Variants in GATAD2A observed in about 807,000 individuals in gnomAD.
GATAD2A encodes the protein GATA zinc finger domain containing 2A.
Under a neutral mutation model 68.5 loss-of-function variants are expected in GATAD2A, and 12 were observed. The observed-to-expected ratio is 0.18, with a 90% CI of 0.11 to 0.28. GATAD2A has a LOEUF of 0.28. Among genes scored for constraint, GATAD2A ranks in the 10% least tolerant of loss-of-function variants. The pLI is 1.00. For missense variants in GATAD2A, 755 were observed against 868.5 expected (o/e 0.87, Z 1.64); for synonymous variants, 410 against 375.3 (o/e 1.09, Z -1.07).
intron 1 of GATAD2A, among the ~76,000 whole-genome samples, chr19:19,462,480 G>T (rs1477255158): frequency 2.6e-5 from 4 of 152,266 alleles, no homozygotes; most frequent in Non-Finnish European, 5.9e-5. Context: ...CCTGCCTCTG[G>T]GAGGCACAGG....
At chr19:19,418,391 A>C (rs1469443291) in intron 1 of GATAD2A, among the ~76,000 whole-genome samples, 1 of 152,226 alleles carries the variant, frequency 6.6e-6, no homozygotes, top group Middle Eastern at 3.2e-3. Flanking sequence ...AGAATGAAAT[A>C]TCCAAGGGAC....
chr19:19,492,539 C>T (rs1274741862), intron 3 of GATAD2A, 42 bp from the exon 4 acceptor site: 3 of 1,612,480 alleles, frequency 1.9e-6, no homozygotes, highest in Non-Finnish European at 2.5e-6. Flanking sequence ...TGCTCCTCAC[C>T]AAGGACGCTC....
chr19:19,468,287 T>G (rs1048424815), intron 2 of GATAD2A, among the ~76,000 whole-genome samples: 7 of 152,250 alleles, frequency 4.6e-5, no homozygotes, highest in Admixed American at 1.3e-4. Flanking sequence ...CTGTTCATTT[T>G]AGAGTGGTAG....
chr19:19,415,510 C>T (rs1167930643), intron 1 of GATAD2A, among the ~76,000 whole-genome samples: 1 of 150,946 alleles, frequency 6.6e-6, no homozygotes, highest in Non-Finnish European at 1.5e-5. Flanking sequence ...AATGCAGTGG[C>T]ACAATCTTGG....
chr19:19,413,001 G>A (rs2051148128), intron 1 of GATAD2A, among the ~76,000 whole-genome samples: 2 of 152,212 alleles, frequency 1.3e-5, no homozygotes, highest in Admixed American at 1.3e-4. Flanking sequence ...CCATGGTAAA[G>A]TTGAGAAATT....
At chr19:19,493,398 G>A (rs1371010133) in intron 4 of GATAD2A, among the ~76,000 whole-genome samples, 2 of 152,208 alleles carry the variant, frequency 1.3e-5, no homozygotes, top group Non-Finnish European at 1.5e-5. Flanking sequence ...TGCTGTGTGC[G>A]TCTCAGTCCC....
chr19:19,481,820 T>C (rs1168124517), intron 2 of GATAD2A, among the ~76,000 whole-genome samples: 1 of 152,174 alleles, frequency 6.6e-6, no homozygotes, highest in Non-Finnish European at 1.5e-5. Flanking sequence ...AAAAATGACA[T>C]AGTGGGGCTC....
chr19:19,501,338 G>C lies in GATAD2A; in HGVS notation c.1425G>C (p.Gln475His). 6.2e-7 allele frequency: 1 copy of C among 1,612,546 alleles called. No homozygotes were observed. The highest frequency in any genetic ancestry group is 1.1e-5 in the South Asian group (1 of 91,046). The change falls in exon 9 of 12, where the codon CAG (glutamine) becomes CAC (histidine). Residue 475 changes from glutamine (Q) to histidine (H), a missense_variant. Physicochemically the swap from Gln to His is conservative, Grantham distance 24 (BLOSUM62 0). Transcript: ENST00000683918. Reference protein sequence around the residue: ...KALQQEQEIEQRLLQQGTAPA... With the variant: ...KALQQEQEIEHRLLQQGTAPA... ...TGCAGCAGGAACAGGAGATTGAGCAGCGGCTCCTGCAGCAGGGCACGGCCC... is the reference window on the plus strand; with the variant it reads ...TGCAGCAGGAACAGGAGATTGAGCACCGGCTCCTGCAGCAGGGCACGGCCC...
At chr19:19,476,374 A>G (rs1671862873) in intron 2 of GATAD2A, among the ~76,000 whole-genome samples, 1 of 151,978 alleles carries the variant, frequency 6.6e-6, no homozygotes, top group African/African-American at 2.4e-5. Flanking sequence ...CTGTTGTCTT[A>G]TTTGTCACTC....
chr19:19,495,212 T>C (rs1178358429), intron 5 of GATAD2A, among the ~76,000 whole-genome samples: 1 of 152,222 alleles, frequency 6.6e-6, no homozygotes, highest in East Asian at 1.9e-4. Flanking sequence ...CAGGCTGTTC[T>C]CAAACCCCTG....
Position 19,391,535 on chromosome 19 carries a change from C to G in GATAD2A, c.-7+5397C>G, listed in dbSNP as rs572913994. 2.8e-4 allele frequency among the ~76,000 whole-genome samples: 43 copies of G among 152,268 alleles called. 1 individual carries two copies. The highest frequency in any genetic ancestry group is 9.9e-4 in the African/African-American group (41 of 41,552). On this transcript the variant is annotated intron_variant, in intron 1 of 11. Coordinates refer to the GATAD2A transcript ENST00000360315. ...ACAACTTTAAAGGGATCACTCTCCC[C>G]TTTAAAATTATGCTATGTCTCTTGT...
chr19:19,389,034 A>G (rs1247008299), intron 1 of GATAD2A, among the ~76,000 whole-genome samples: 1 of 152,142 alleles, frequency 6.6e-6, no homozygotes, highest in African/African-American at 2.4e-5. Flanking sequence ...CCTGGCCCAA[A>G]AGGAACTTTT....
At chr19:19,486,133 G>A (rs1294416560) in intron 2 of GATAD2A, among the ~76,000 whole-genome samples, 1 of 152,216 alleles carries the variant, frequency 6.6e-6, no homozygotes, top group Non-Finnish European at 1.5e-5. Context: ...TGCCCTTGGG[G>A]GGTTTGTGAA....
chr19:19,484,538 T>C (rs1280175922), intron 2 of GATAD2A, among the ~76,000 whole-genome samples: 6 of 141,864 alleles, frequency 4.2e-5, no homozygotes, highest in Non-Finnish European at 9.3e-5. Flanking sequence ...TTTTCTTTTT[T>C]TTTTTTTTTT....
At chr19:19,434,794 T>C (rs1401435107) in intron 1 of GATAD2A, among the ~76,000 whole-genome samples, 2 of 152,158 alleles carry the variant, frequency 1.3e-5, no homozygotes, top group African/African-American at 4.8e-5. Context: ...AGAGCATTAG[T>C]TTTCCTGTCT....
chr19:19,488,165 C>A (rs1003753861), intron 2 of GATAD2A, among the ~76,000 whole-genome samples: 3 of 152,208 alleles, frequency 2.0e-5, no homozygotes, highest in African/African-American at 7.2e-5. Flanking sequence ...GGAGAAGCTG[C>A]CCTGCTGCTA....
chr19:19,386,451 GCAGGGGATCC>G (rs2048427373), intron 1 of GATAD2A, among the ~76,000 whole-genome samples: 10 of 150,544 alleles, frequency 6.6e-5, no homozygotes, highest in Admixed American at 6.6e-4. Context: ...GTCTCTCCAG[GCAGGGGATCC>G]CATCTTTCTA....
intron 1 of GATAD2A, among the ~76,000 whole-genome samples, chr19:19,391,554 C>G (rs960889383): frequency 6.6e-6 from 1 of 152,134 alleles, no homozygotes; most frequent in African/African-American, 2.4e-5. Context: ...TATGCTATGT[C>G]TCTTGTGTAC....
At chr19:19,493,282 A>T (rs2059925385) in intron 4 of GATAD2A, among the ~76,000 whole-genome samples, 1 of 152,328 alleles carries the variant, frequency 6.6e-6, no homozygotes, top group East Asian at 1.9e-4. Context: ...TGGAGCACAG[A>T]TGTCTGGTGC....
Sources: gnomAD v4.1 joint callset for allele counts (sites outside exome capture counted in the v4.1 genomes callset) on GRCh38, gnomAD v4.1.1 for gene constraint, MANE v1.5 for transcripts, NCBI Gene and HGNC (gene_info 2026-07-23, HGNC 2026-07-21) for gene names.